CD99L2: variants seen among roughly 807,000 people sequenced by gnomAD.
CD99L2 encodes CD99 antigen-like protein 2.
CD99L2 carries 24 observed loss-of-function variants against 27.3 expected under a neutral mutation model. The observed-to-expected ratio is 0.88, with a 90% CI of 0.64 to 1.24. CD99L2 has a LOEUF of 1.24. Among genes scored for constraint, CD99L2 ranks in the 50% most tolerant of loss-of-function variants. CD99L2 has a pLI of 0.00. For synonymous variants in CD99L2, 97 were observed against 87.9 expected (o/e 1.10, Z -0.58); for missense variants, 255 against 221.6 (o/e 1.15, Z -0.96).
intron 1 of CD99L2, among the ~76,000 whole-genome samples, chrX:150,854,940 T>C (rs1281869923): frequency 9.2e-6 from 1 of 108,446 alleles, no homozygotes; most frequent in African/African-American, 3.4e-5. Flanking sequence ...GCTGGTACAA[T>C]AAGGGAGGAA....
intron 1 of CD99L2, among the ~76,000 whole-genome samples, chrX:150,839,651 T>G (rs1433756648): frequency 9.0e-6 from 1 of 111,056 alleles, no homozygotes. Flanking sequence ...GAGAATTGCT[T>G]GAGCCCAGGA....
Position 150,898,127 on chromosome X carries a change from G to A in CD99L2, c.67+395C>T, listed in dbSNP as rs782078077. ...AAGGGGCTAGGAATCCACCTAGGAA[G>A]TTCCCCAGGTGCTTCTGCTGTCGGT... On this transcript the variant is annotated intron_variant, in intron 1 of 10. Transcript: ENST00000370377. 3.2e-5 allele frequency among the ~76,000 whole-genome samples: 3 copies of A among 93,881 alleles called. No homozygotes were observed. The East Asian group carries it at 1.1e-3, about 35-fold the overall frequency. 81.5% of individuals were successfully genotyped at this position (93,881 alleles called of 115,157 possible). A position where few individuals can be genotyped will look rare whatever the true frequency, so the allele number is the denominator to read the frequency against.
At chrX:150,859,202 CA>C (rs1247761116) in intron 1 of CD99L2, among the ~76,000 whole-genome samples, 12 of 111,572 alleles carry the variant, frequency 1.1e-4, no homozygotes, top group Admixed American at 9.5e-4. Context: ...GAGAGTAAAT[CA>C]ATAATAAAAA....
chrX:150,839,101 G>T (rs2046583413), intron 1 of CD99L2, among the ~76,000 whole-genome samples: 1 of 110,787 alleles, frequency 9.0e-6, no homozygotes, highest in Non-Finnish European at 1.9e-5. Context: ...ATTAATATAA[G>T]ATAAAATTCA....
intron 1 of CD99L2, among the ~76,000 whole-genome samples, chrX:150,886,099 T>C (rs980975463): frequency 9.0e-6 from 1 of 111,667 alleles, no homozygotes; most frequent in African/African-American, 3.3e-5. Context: ...AAGAAAAAAA[T>C]AGAACTGTCT....
At chrX:150,789,332 C>A (rs1557419651) in intron 7 of CD99L2, among the ~76,000 whole-genome samples, 1 of 110,594 alleles carries the variant, frequency 9.0e-6, no homozygotes, top group African/African-American at 3.3e-5. Flanking sequence ...CCGTGTTAGC[C>A]AGGATGGTCT....
At chrX:150,810,753 A>G (rs1278982961) in intron 4 of CD99L2, among the ~76,000 whole-genome samples, 2 of 112,598 alleles carry the variant, frequency 1.8e-5, no homozygotes, top group African/African-American at 6.4e-5. Flanking sequence ...TACTGAAATG[A>G]GAAATGAAAG....
chrX:150,885,759 C>A (rs1190597677), intron 1 of CD99L2, among the ~76,000 whole-genome samples: 1 of 112,339 alleles, frequency 8.9e-6, no homozygotes, highest in Non-Finnish European at 1.9e-5. Flanking sequence ...TGAGGCTGAT[C>A]ATCTTTTTAT....
intron 8 of CD99L2, among the ~76,000 whole-genome samples, chrX:150,776,690 G>A (rs1603285686): frequency 9.0e-6 from 1 of 111,612 alleles, no homozygotes; most frequent in East Asian, 2.8e-4. Flanking sequence ...TCAGGGGAAG[G>A]CCAACTCTGA....
At position 150,825,664 on chromosome X, in the gene CD99L2, C is replaced by T. The variant is rs534844647; in HGVS notation, c.130+5567G>A. ...AAGTCTTTAAATGGGATTTCTTATT[C>T]GTAATTGAGATGAGAAGAGTCTACT... is the stretch of plus-strand genomic sequence containing the variant. On this transcript the variant is annotated intron_variant, in intron 2 of 10. Coordinates refer to ENST00000370377, the MANE Select transcript of CD99L2 (RefSeq NM_031462.4). Among the ~76,000 whole-genome samples the T allele has an allele frequency of 4.7e-4, 53 of 112,232 alleles. No individual in the cohort carries two copies. In the South Asian group the frequency reaches 0.013, roughly 27 times the overall value.
intron 4 of CD99L2, among the ~76,000 whole-genome samples, chrX:150,805,105 G>A (rs1407151856): frequency 8.9e-6 from 1 of 111,822 alleles, no homozygotes; most frequent in Admixed American, 9.5e-5. Context: ...GCAGATGCCT[G>A]TAATCCCAGG....
At chrX:150,897,027 C>T (rs1297405068) in intron 1 of CD99L2, among the ~76,000 whole-genome samples, 1 of 112,518 alleles carries the variant, frequency 8.9e-6, no homozygotes, top group Non-Finnish European at 1.9e-5. Flanking sequence ...TTTCAGAAGA[C>T]AGCTTTGAAG....
intron 10 of CD99L2, among the ~76,000 whole-genome samples, chrX:150,770,054 C>T (rs1194675769): frequency 8.8e-6 from 1 of 113,011 alleles, no homozygotes; most frequent in Non-Finnish European, 1.9e-5. Flanking sequence ...ACGGACGAAT[C>T]AAGGGCAGGG....
intron 9 of CD99L2, among the ~76,000 whole-genome samples, chrX:150,774,617 A>C (rs1172379193): frequency 8.9e-6 from 1 of 111,976 alleles, no homozygotes; most frequent in Non-Finnish European, 1.9e-5. Flanking sequence ...CAAATGCAAT[A>C]AGAACACGGT....
intron 1 of CD99L2, among the ~76,000 whole-genome samples, chrX:150,869,534 T>G (rs2047122351): frequency 8.9e-6 from 1 of 112,284 alleles, no homozygotes. Flanking sequence ...TGTGTGATTG[T>G]GTCTTCTCCA....
chrX:150,885,382 A>AAC (rs1569566158), intron 1 of CD99L2, among the ~76,000 whole-genome samples: 16 of 111,110 alleles, frequency 1.4e-4, no homozygotes, highest in Admixed American at 3.8e-4. Context: ...AACAACAAAA[A>AAC]AACAACAACA....
At position 150,824,484 on chromosome X, in the gene CD99L2, AAAG is replaced by A. The variant is rs1168445849; in HGVS notation, c.130+6744_130+6746del. 3.6e-4 allele frequency among the ~76,000 whole-genome samples: 30 copies of A among 83,250 alleles called. 1 individual carries two copies. Among genetic ancestry groups the A allele is most frequent in the South Asian group, 1.3e-3 (2 of 1,482 alleles). 72.3% of individuals were successfully genotyped at this position (83,250 alleles called of 115,157 possible). A position where few individuals can be genotyped will look rare whatever the true frequency, so the allele number is the denominator to read the frequency against. On this transcript the variant is annotated intron_variant, in intron 2 of 10. Transcript: ENST00000370377. Reference sequence around the variant, plus strand: ...AGAAGAAAGAAGAAGAAGAAAGAAGAAAGAAGAAGAAGAAAGAAGAAGAAGAAG... The same window carrying A: ...AGAAGAAAGAAGAAGAAGAAAGAAGAAAGAAGAAGAAAGAAGAAGAAGAAG...
At chrX:150,890,131 C>T (rs782179255) in intron 1 of CD99L2, among the ~76,000 whole-genome samples, 103 of 93,316 alleles carry the variant, frequency 1.1e-3, no homozygotes, top group African/African-American at 4.3e-3. Flanking sequence ...CCAGACTGGG[C>T]GAGAGCGAGA....
intron 1 of CD99L2, 144 bp from the exon 2 acceptor site, chrX:150,831,437 G>T: frequency 2.1e-6 from 1 of 470,903 alleles, no homozygotes; most frequent in Non-Finnish European, 3.5e-6. Flanking sequence ...AGTGAGTGGT[G>T]GTAGCTATAC....
Sources: allele counts gnomAD v4.1 joint callset (sites outside exome capture counted in the v4.1 genomes callset), GRCh38; gene constraint gnomAD v4.1.1; transcripts MANE v1.5; gene names NCBI Gene and HGNC (gene_info 2026-07-23, HGNC 2026-07-21).